The following VPS45 variants were observed in gnomAD, a reference collection of about 807,000 sequenced individuals.
The protein encoded by VPS45 is vacuolar protein sorting-associated protein 45.
Under a neutral mutation model 75.9 loss-of-function variants are expected in VPS45, and 35 were observed. The observed-to-expected ratio is 0.46, with a 90% CI of 0.35 to 0.61. VPS45 has a LOEUF of 0.61. Among genes scored for constraint, VPS45 ranks in the 20% least tolerant of loss-of-function variants. VPS45 has a pLI of 0.00. For synonymous variants in VPS45, 220 were observed against 238.2 expected, an observed-to-expected ratio of 0.92 and a Z score of 0.70; for missense variants, 559 against 685.9, an observed-to-expected ratio of 0.81 and a Z score of 2.07.
chr1:150,133,624 C>T (rs587617915), intron 14 of VPS45, among the ~76,000 whole-genome samples: 2 of 152,230 alleles, frequency 1.3e-5, no homozygotes, highest in East Asian at 3.9e-4. Context: ...TTTGGGGCTT[C>T]GTTTCTTGCA....
intron 14 of VPS45, among the ~76,000 whole-genome samples, chr1:150,113,865 A>G (rs2101615760): frequency 6.6e-6 from 1 of 152,268 alleles, no homozygotes; most frequent in African/African-American, 2.4e-5. Flanking sequence ...ACTGCATTCC[A>G]GCCTGGGTGA....
At chr1:150,137,894 G>A (rs56397877) in intron 14 of VPS45, among the ~76,000 whole-genome samples, 6,812 of 116,256 alleles carry the variant, frequency 0.059, 228 homozygotes, top group Non-Finnish European at 0.076. Context: ...CAGCCTAGGC[G>A]ACAGAGTGAG....
At chr1:150,095,506 C>T (rs1310975579) in intron 13 of VPS45, among the ~76,000 whole-genome samples, 1 of 151,874 alleles carries the variant, frequency 6.6e-6, no homozygotes, top group Admixed American at 6.6e-5. Flanking sequence ...CCCAGCTACT[C>T]AGGAGGCTGA....
chr1:150,068,511 T>C (rs1276422281), intron 1 of VPS45, 119 bp from the exon 2 acceptor site: 14 of 928,330 alleles, frequency 1.5e-5, no homozygotes, highest in Admixed American at 1.4e-4. Context: ...GTAAATGTTT[T>C]CCGTATATTA....
intron 14 of VPS45, among the ~76,000 whole-genome samples, chr1:150,133,299 C>T (rs1401717725): frequency 6.6e-6 from 1 of 152,162 alleles, no homozygotes; most frequent in Non-Finnish European, 1.5e-5. Context: ...CCTGTAATAT[C>T]AGCACTTTGG....
intron 14 of VPS45, among the ~76,000 whole-genome samples, chr1:150,143,765 A>G (rs1476218651): frequency 6.6e-6 from 1 of 152,154 alleles, no homozygotes; most frequent in Non-Finnish European, 1.5e-5. Context: ...GCAGTATTGC[A>G]AGATGCTGAA....
chr1:150,128,551 A>G (rs587662398), intron 14 of VPS45, among the ~76,000 whole-genome samples: 1 of 152,294 alleles, frequency 6.6e-6, no homozygotes, highest in South Asian at 2.1e-4. Flanking sequence ...ATTTCCACCT[A>G]AACAAGTAAC....
At chr1:150,128,814 A>C (rs1302586340) in intron 14 of VPS45, among the ~76,000 whole-genome samples, 4 of 151,366 alleles carry the variant, frequency 2.6e-5, no homozygotes, top group Non-Finnish European at 5.9e-5. Context: ...ATCTCGGCTC[A>C]CTGCAACCTC....
At chr1:150,094,433 A>T (rs11577346) in intron 13 of VPS45, among the ~76,000 whole-genome samples, 16,248 of 152,182 alleles carry the variant, frequency 0.11, 1,212 homozygotes, top group Non-Finnish European at 0.17. Context: ...ACATAATGAG[A>T]TTCTGAATGA....
chr1:150,074,045 T>C (rs1655231671), intron 3 of VPS45, among the ~76,000 whole-genome samples: 1 of 151,234 alleles, frequency 6.6e-6, no homozygotes, highest in South Asian at 2.1e-4. Flanking sequence ...GAAGCAGTCT[T>C]GCTTTGTCAC....
At chr1:150,082,411 CG>C (rs1475273738) in intron 9 of VPS45, among the ~76,000 whole-genome samples, 1 of 149,532 alleles carries the variant, frequency 6.7e-6, no homozygotes, top group Non-Finnish European at 1.5e-5. Context: ...GAGGCTGAGG[CG>C]GGGGAATCGC....
chr1:150,071,610 A>G (rs1362526407), intron 2 of VPS45, among the ~76,000 whole-genome samples: 5 of 152,056 alleles, frequency 3.3e-5, no homozygotes, highest in Non-Finnish European at 7.4e-5. Flanking sequence ...AACATGGTGA[A>G]ACCCCGTCTC....
At chr1:150,080,148 C>CA (rs1655620693) in intron 7 of VPS45, among the ~76,000 whole-genome samples, 3 of 30,938 alleles carry the variant, frequency 9.7e-5, no homozygotes, top group African/African-American at 3.3e-4. Context: ...TTTTGTTGTA[C>CA]GTTTTTTTTT....
intron 14 of VPS45, among the ~76,000 whole-genome samples, chr1:150,129,065 G>A (rs782026995): frequency 5.3e-5 from 8 of 152,172 alleles, no homozygotes; most frequent in Non-Finnish European, 1.0e-4. Flanking sequence ...AGTGACCAAA[G>A]GATTAGACAT....
At chr1:150,080,265 C>G (rs1459415796) in intron 7 of VPS45, among the ~76,000 whole-genome samples, 5 of 152,010 alleles carry the variant, frequency 3.3e-5, no homozygotes, top group African/African-American at 1.2e-4. Flanking sequence ...CTGCCTCAGC[C>G]TCCTGAGTAG....
At chr1:150,102,916 T>C (rs1190152682) in intron 13 of VPS45, among the ~76,000 whole-genome samples, 1 of 152,026 alleles carries the variant, frequency 6.6e-6, no homozygotes, top group Non-Finnish European at 1.5e-5. Flanking sequence ...AACTATTGGG[T>C]CCTGAGCTTA....
At chr1:150,108,480 G>C (rs1396087045) in intron 13 of VPS45, among the ~76,000 whole-genome samples, 1 of 152,190 alleles carries the variant, frequency 6.6e-6, no homozygotes, top group Non-Finnish European at 1.5e-5. Context: ...GAATGGAACA[G>C]ATGGAGAGAA....
At chr1:150,106,161 AAAAC>A (rs1657313449) in intron 13 of VPS45, among the ~76,000 whole-genome samples, 1 of 152,196 alleles carries the variant, frequency 6.6e-6, no homozygotes, top group Admixed American at 6.5e-5. Context: ...GTCCTAGATG[AAAAC>A]CTAGGAAAAA....
rs146908289 is a variant in VPS45 at position 150,129,635 on chromosome 1, C to G, written c.1626-15074C>G. ...AGTGCAGTGACACCACCTCGGCTCA[C>G]TGCAACGCCCGCCTCCCAGGTTCAA... On this transcript the variant is annotated intron_variant, in intron 14 of 14. Coordinates refer to ENST00000644510, the MANE Select transcript of VPS45 (RefSeq NM_007259.5). Among the ~76,000 whole-genome samples the G allele has an allele frequency of 5.6e-3, 847 of 151,924 alleles. 4 individuals carry two copies. Among genetic ancestry groups the G allele is most frequent in the African/African-American group, 0.019 (807 of 41,390 alleles).
Sources: gnomAD v4.1 joint callset for allele counts (sites outside exome capture counted in the v4.1 genomes callset) on GRCh38, gnomAD v4.1.1 for gene constraint, MANE v1.5 for transcripts, NCBI Gene and HGNC (gene_info 2026-07-23, HGNC 2026-07-21) for gene names.